ZIC4: variants seen among roughly 807,000 people sequenced by gnomAD.
The protein encoded by ZIC4 is Zic family zinc finger 4.
In ZIC4, 15 loss-of-function variants were observed where a neutral mutation model predicts 28.8. That is an observed-to-expected ratio of 0.52 (90% CI 0.35 to 0.80). The LOEUF is 0.80. Ranked by LOEUF, ZIC4 falls within the 30% of genes least tolerant of loss-of-function variation. The pLI is 0.01. For synonymous variants in ZIC4, 220 were observed against 198.1 expected, an observed-to-expected ratio of 1.11 and a Z score of -0.93; for missense variants, 512 against 467.1, an observed-to-expected ratio of 1.10 and a Z score of -0.89.
rs926485499 is a variant in ZIC4, at chr3:147,387,337, G to A, written c.*1522C>T. ...TCTTTAGAAACGGTTTGAAACTAAC[G>A]GGGCAGAGGGAGTTTGACAGAGAGG... is the stretch of plus-strand genomic sequence containing the variant. On this transcript the variant is annotated 3_prime_UTR_variant, in exon 5 of 5. Coordinates refer to ENST00000383075, the MANE Select transcript of ZIC4 (RefSeq NM_032153.6). The A allele has an allele frequency of 3.3e-5, 5 of 152,586 alleles. No homozygotes were observed. The highest frequency in any genetic ancestry group is 4.8e-5 in the African/African-American group (2 of 41,432). 9.5% of individuals were successfully genotyped at this position (152,586 alleles called of 1,614,324 possible).
At chr3:147,395,505 G>A (rs2107973110) in intron 3 of ZIC4, among the ~76,000 whole-genome samples, 1 of 152,292 alleles carries the variant, frequency 6.6e-6, no homozygotes, top group South Asian at 2.1e-4. Flanking sequence ...AAAAAAGTTA[G>A]ACAGCTGTTC....
chr3:147,386,094 GCCAAA>G lies in ZIC4; in HGVS notation c.*2760_*2764del. 1 of 152,320 alleles carries G rather than the reference GCCAAA, an allele frequency of 6.6e-6. No individual in the cohort carries two copies. The highest frequency in any genetic ancestry group is 6.5e-5 in the Admixed American group (1 of 15,308). The allele number at this position is 152,320 out of a possible 1,614,324, so 9.4% of individuals were successfully genotyped here. A position where few individuals can be genotyped will look rare whatever the true frequency, so the allele number is the denominator to read the frequency against. On this transcript the variant is annotated 3_prime_UTR_variant, in exon 5 of 5. Transcript: ENST00000383075. The stretch of plus-strand genomic sequence containing the variant: ...ACATTATTTATTTCCAAAGAAAATA[GCCAAA>G]TGCAGCGCCATGTACACAAAAGCCT...
At chr3:147,391,440 G>T in intron 3 of ZIC4, 194 bp from the exon 4 acceptor site, 1 of 614,444 alleles carries the variant, frequency 1.6e-6, no homozygotes, top group South Asian at 2.4e-5. Flanking sequence ...TCTCTTGAAC[G>T]CCTCCATCCC....
Position 147,396,020 on chromosome 3 carries a change from A to T in ZIC4, c.520T>A (p.Phe174Ile). The stretch of plus-strand genomic sequence containing the variant: ...CCCTGGCGCGGACACTCCTCCCAGA[A>T]GCAAATGTGGTTGGCCTGTTCCGGG... ...GGPEQANHIC[F>I]WEECPRQGKP... The change falls in exon 3 of 5, where the codon TTC becomes ATC. Residue 174 changes from phenylalanine (F) to isoleucine (I), a missense_variant. By Grantham distance (21) the Phe-to-Ile change is conservative. Coordinates refer to ENST00000383075, the MANE Select transcript of ZIC4 (RefSeq NM_032153.6). This position sits in a 1 kb window ranked among gnomAD's most constrained non-coding sequence, Gnocchi z 4.2. The T allele has an allele frequency of 6.2e-7, 1 of 1,614,228 alleles. No individual in the cohort carries two copies. Among genetic ancestry groups the T allele is most frequent in the East Asian group, 2.2e-5 (1 of 44,864 alleles).
intron 1 of ZIC4, chr3:147,405,786 G>C (rs1032114928): frequency 3.2e-5 from 14 of 433,978 alleles, no homozygotes; most frequent in South Asian, 1.4e-4. Context: ...GGCATCTGCC[G>C]TCAGGTTGGG....
At chr3:147,392,095 T>C in intron 3 of ZIC4, 5 of 985,570 alleles carry the variant, frequency 5.1e-6, no homozygotes, top group Non-Finnish European at 6.0e-6. Flanking sequence ...ACTTGCGATG[T>C]CGACCGGTCT....
intron 3 of ZIC4, chr3:147,393,638 G>C (rs2086974036): frequency 3.4e-6 from 1 of 289,948 alleles, no homozygotes; most frequent in Non-Finnish European, 6.8e-6. Flanking sequence ...CTGGGCCAGC[G>C]CCATTTTCTC....
At position 147,388,777 on chromosome 3, in the gene ZIC4, G is replaced by T. The variant is rs1337222286; in HGVS notation, c.*82C>A. On this transcript the variant is annotated 3_prime_UTR_variant, in exon 5 of 5. Transcript: ENST00000383075. ...GGCGAAGAAACACTGCTTTGTGCGC[G>T]GGCCCTTTGATGTAGCAGGCGCGAG... is the stretch of plus-strand genomic sequence containing the variant. 1.3e-6 allele frequency: 1 copy of T among 754,660 alleles called. No homozygotes were observed. Among genetic ancestry groups the T allele is most frequent in the African/African-American group, 1.7e-5 (1 of 57,490 alleles). The allele number at this position is 754,660 out of a possible 1,614,324, so 46.7% of individuals were successfully genotyped here.
chr3:147,391,294 G>A (rs765246362), intron 3 of ZIC4, 48 bp from the exon 4 acceptor site: 10 of 1,508,650 alleles, frequency 6.6e-6, no homozygotes, highest in Admixed American at 2.1e-5. Context: ...TCGTGTTCCC[G>A]TCAGGTGCTT....
At chr3:147,390,843 G>A (rs141541921) in intron 4 of ZIC4, 88 bp downstream of exon 4, 649 of 1,460,662 alleles carry the variant, frequency 4.4e-4, no homozygotes, top group Admixed American at 1.3e-3. Context: ...CGGAGGCGGC[G>A]GCGGCAGCAG....
In ZIC4 at chr3:147,387,511, C is replaced by T. The variant is rs548777391; in HGVS notation, c.*1348G>A. 1 of 152,672 alleles carries T rather than the reference C, an allele frequency of 6.5e-6. No individual in the cohort carries two copies. Among genetic ancestry groups the T allele is most frequent in the South Asian group, 2.1e-4 (1 of 4,814 alleles). The allele number at this position is 152,672 out of a possible 1,614,324, so 9.5% of individuals were successfully genotyped here. A position where few individuals can be genotyped will look rare whatever the true frequency, so the allele number is the denominator to read the frequency against. ...CTTTTTATTCAACCACAAGGACTGG[C>T]ACTAAAGAAGACTCCACTGTTTGAT... On this transcript the variant is annotated 3_prime_UTR_variant, in exon 5 of 5. Coordinates refer to ENST00000383075, the MANE Select transcript of ZIC4 (RefSeq NM_032153.6).
Position 147,391,152 on chromosome 3 carries a change from G to C in ZIC4, c.783C>G (p.Asp261Glu), listed in dbSNP as rs759438364. 5 of 1,613,218 alleles carry C rather than the reference G, an allele frequency of 3.1e-6. No individual in the cohort carries two copies. The East Asian group carries it at 1.1e-4, about 36-fold the overall frequency. The change falls in exon 4 of 5, where the codon GAC becomes GAG. Residue 261 changes from aspartate to glutamate, a missense_variant. By Grantham distance (45) the Asp-to-Glu change is conservative. Coordinates refer to ENST00000383075, the MANE Select transcript of ZIC4 (RefSeq NM_032153.6). ...RKKHSHVHTS[D>E]KPYTCKVRGC... is the part of the protein sequence containing the mutation. ...CCCGCACCTTGCACGTGTATGGCTT[G>C]TCGCTAGTGTGCACGTGCGAATGCT...
At chr3:147,388,933 A>G in intron 4 of ZIC4, 74 bp from the exon 5 acceptor site, 1 of 767,868 alleles carries the variant, frequency 1.3e-6, no homozygotes. Context: ...ATTATTTTAG[A>G]TTGAGATAGA....
At chr3:147,389,123 G>A (rs943596274) in intron 4 of ZIC4, 2 of 563,234 alleles carry the variant, frequency 3.6e-6, no homozygotes, top group Non-Finnish European at 6.3e-6. Flanking sequence ...CGCTGGGTCA[G>A]GCAGCCTCTG....
chr3:147,390,499 A>G (rs1290721568), intron 4 of ZIC4, among the ~76,000 whole-genome samples: 1 of 152,136 alleles, frequency 6.6e-6, no homozygotes, highest in Non-Finnish European at 1.5e-5. Flanking sequence ...TACTTTTGTC[A>G]TCTGCAGTTG....
chr3:147,389,316 T>C (rs2086859930), intron 4 of ZIC4: 1 of 167,112 alleles, frequency 6.0e-6, no homozygotes. Flanking sequence ...GCTAATTGTC[T>C]AATTGCGTCT....
At chr3:147,399,512 G>C (rs899474947) in intron 2 of ZIC4, among the ~76,000 whole-genome samples, 1 of 152,114 alleles carries the variant, frequency 6.6e-6, no homozygotes, top group African/African-American at 2.4e-5. Flanking sequence ...CAGCTTATGT[G>C]GTATTCAGGT....
At position 147,391,002 on chromosome 3, in the gene ZIC4, C is replaced by T; in HGVS notation, c.933G>A (p.Ser311=). Residue 311 remains serine (S), a synonymous_variant, in exon 4 of 5, where the codon TCG becomes TCA. Transcript: ENST00000383075. ...ATPSALVSPS[S]DCGHKSQVAS... ...CCACCTGGGACTTGTGGCCGCAGTC[C>T]GACGAGGGCGACACGAGGGCAGACG... is the stretch of plus-strand genomic sequence containing the variant. 1 of 1,613,318 alleles carries T rather than the reference C, an allele frequency of 6.2e-7. No homozygotes were observed. The highest frequency in any genetic ancestry group is 8.5e-7 in the Non-Finnish European group (1 of 1,179,870).
Position 147,388,839 on chromosome 3 carries a change from T to G in ZIC4, c.*20A>C. On this transcript the variant is annotated 3_prime_UTR_variant, in exon 5 of 5. Transcript: ENST00000383075. ...TCAGCTGCGCGGAGCGAGATTACCTTGCGAGCAACGCGGTGGACATCTGTA... is the reference window on the plus strand; with the variant it reads ...TCAGCTGCGCGGAGCGAGATTACCTGGCGAGCAACGCGGTGGACATCTGTA... 1.3e-6 allele frequency: 1 copy of G among 779,994 alleles called. No individual in the cohort carries two copies. Among genetic ancestry groups the G allele is most frequent in the Non-Finnish European group, 2.4e-6 (1 of 417,896 alleles). 48.3% of individuals were successfully genotyped at this position (779,994 alleles called of 1,614,324 possible). A position where few individuals can be genotyped will look rare whatever the true frequency, so the allele number is the denominator to read the frequency against.
Sources: allele counts gnomAD v4.1 joint callset (sites outside exome capture counted in the v4.1 genomes callset), GRCh38; gene constraint gnomAD v4.1.1; non-coding constraint Gnocchi (gnomAD v3.1); transcripts MANE v1.5; gene names NCBI Gene and HGNC (gene_info 2026-07-23, HGNC 2026-07-21).